Variants in HACL2 observed in about 807,000 individuals in gnomAD.
HACL2 encodes the protein 2-hydroxyacyl-CoA lyase 2, also known as 2-hydroxyacyl-CoA lyase 1 like.
At chr19:15,120,084 G>C in the HACL2 span, 1 of 1,537,448 alleles carries the variant, frequency 6.5e-7, no homozygotes, top group East Asian at 2.5e-5. Context: ...CTAAATACCT[G>C]CAAAAGGGAG....
At chr19:15,122,541 C>T in the HACL2 span, 1 of 697,768 alleles carries the variant, frequency 1.4e-6, no homozygotes, top group Non-Finnish European at 2.5e-6. This position sits in a 1 kb window ranked among gnomAD's most constrained non-coding sequence, Gnocchi z 4.0. Context: ...GCCTCAGGAC[C>T]TTTGCACATG....
chr19:15,116,532 G>C, the HACL2 span: 625 of 1,607,796 alleles, frequency 3.9e-4, no homozygotes, highest in Non-Finnish European at 3.8e-4. Context: ...CCTGGGGAAG[G>C]AAGAGGACAC....
chr19:15,116,293 G>A, the HACL2 span: 1 of 1,614,008 alleles, frequency 6.2e-7, no homozygotes, highest in African/African-American at 1.3e-5. Flanking sequence ...GGGTTCAGGT[G>A]CTGGGCCACA....
the HACL2 span, chr19:15,115,806 C>G: frequency 6.2e-7 from 1 of 1,602,462 alleles, no homozygotes; most frequent in Non-Finnish European, 8.5e-7. Context: ...GTGACATCTC[C>G]CAGAACCCCA....
At chr19:15,118,023 G>T in the HACL2 span, 1 of 1,613,936 alleles carries the variant, frequency 6.2e-7, no homozygotes, top group South Asian at 1.1e-5. Context: ...TTCCTGGTGT[G>T]GGGGACAGGA....
the HACL2 span, chr19:15,119,859 G>A: frequency 4.0e-5 from 27 of 673,680 alleles, no homozygotes; most frequent in African/African-American, 2.7e-4. Flanking sequence ...CCAAAGGGCC[G>A]CCCTTGAGTC....
the HACL2 span, chr19:15,125,222 G>A: frequency 9.4e-6 from 7 of 742,522 alleles, no homozygotes; most frequent in Non-Finnish European, 1.5e-5. Context: ...CACGCCCTTT[G>A]TGCGCCTAGG....
At chr19:15,121,408 C>T in the HACL2 span, among the ~76,000 whole-genome samples, 3 of 151,656 alleles carry the variant, frequency 2.0e-5, no homozygotes, top group Admixed American at 6.6e-5. Flanking sequence ...GGCTGCCGCT[C>T]GCTAAATGTA....
the HACL2 span, among the ~76,000 whole-genome samples, chr19:15,122,309 G>A: frequency 4.1e-3 from 628 of 152,122 alleles, 4 homozygotes; most frequent in African/African-American, 0.015. The surrounding 1 kb of genome is among the most constrained non-coding windows in gnomAD (Gnocchi z 4.0). Context: ...CGAGGTTCAA[G>A]GATCATCCTT....
At chr19:15,118,049 G>A in the HACL2 span, 171 of 1,612,764 alleles carry the variant, frequency 1.1e-4, no homozygotes, top group Non-Finnish European at 1.4e-4. Flanking sequence ...GTAGGCAGAG[G>A]CCCCATGTCG....
the HACL2 span, chr19:15,122,942 A>T: frequency 7.2e-5 from 115 of 1,605,606 alleles, no homozygotes; most frequent in Non-Finnish European, 9.2e-5. The surrounding 1 kb of genome is among the most constrained non-coding windows in gnomAD (Gnocchi z 4.0). Flanking sequence ...GGTGGGCACA[A>T]TGTCCCGCAC....
the HACL2 span, among the ~76,000 whole-genome samples, chr19:15,118,947 A>C: frequency 1.3e-5 from 2 of 152,192 alleles, no homozygotes; most frequent in Admixed American, 6.5e-5. Flanking sequence ...AGAAATCAGA[A>C]ATGCATTTTT....
the HACL2 span, among the ~76,000 whole-genome samples, chr19:15,120,632 A>G: frequency 6.6e-6 from 1 of 152,172 alleles, no homozygotes; most frequent in South Asian, 2.1e-4. Context: ...CTGGAGACAC[A>G]AAGATAGATC....
the HACL2 span, chr19:15,122,951 A>C: frequency 6.2e-7 from 1 of 1,604,442 alleles, no homozygotes; most frequent in Admixed American, 1.7e-5. This position sits in a 1 kb window ranked among gnomAD's most constrained non-coding sequence, Gnocchi z 4.0. Context: ...AATGTCCCGC[A>C]CCCTCCGCAC....
At chr19:15,119,316 C>G in the HACL2 span, 1 of 1,602,658 alleles carries the variant, frequency 6.2e-7, no homozygotes, top group Non-Finnish European at 8.5e-7. Context: ...GGAGTCCAGG[C>G]AGAGCAGAGG....
chr19:15,122,764 G>C, the HACL2 span: 1 of 1,614,110 alleles, frequency 6.2e-7, no homozygotes, highest in African/African-American at 1.3e-5. The surrounding 1 kb of genome is among the most constrained non-coding windows in gnomAD (Gnocchi z 4.0). Context: ...CCATGAAGTA[G>C]GGGTACAGCA....
the HACL2 span, chr19:15,119,476 G>C: frequency 6.2e-7 from 1 of 1,614,150 alleles, no homozygotes; most frequent in Non-Finnish European, 8.5e-7. Flanking sequence ...ACCATCAGAG[G>C]CCTCTTGGCC....
At chr19:15,122,040 G>T in the HACL2 span, among the ~76,000 whole-genome samples, 1 of 147,750 alleles carries the variant, frequency 6.8e-6, no homozygotes, top group Non-Finnish European at 1.5e-5. This position sits in a 1 kb window ranked among gnomAD's most constrained non-coding sequence, Gnocchi z 4.0. Context: ...TGGGACTACA[G>T]GCGCCCGCCA....
chr19:15,117,904 CAGA>C, the HACL2 span: 7 of 1,614,092 alleles, frequency 4.3e-6, no homozygotes, highest in Non-Finnish European at 5.1e-6. Flanking sequence ...CTGGGGCTTC[CAGA>C]AGATGTCTGA....
Sources: gnomAD v4.1 joint callset for allele counts (sites outside exome capture counted in the v4.1 genomes callset) on GRCh38, gnomAD v4.1.1 for gene constraint, Gnocchi (gnomAD v3.1) non-coding constraint, MANE v1.5 for transcripts, NCBI Gene and HGNC (gene_info 2026-07-23, HGNC 2026-07-21) for gene names.